The following PHACTR4 variants were observed in gnomAD, a reference collection of about 807,000 sequenced individuals.
PHACTR4 encodes the protein phosphatase and actin regulator 4, also known as protein phosphatase 1, regulatory subunit 124.
A neutral mutation model predicts 72.7 loss-of-function variants in PHACTR4; 51 were observed. The ratio of observed to expected loss-of-function variants is 0.70; its 90% CI spans 0.56 to 0.89. PHACTR4 has a LOEUF of 0.89. Among genes scored for constraint, PHACTR4 ranks in the 40% least tolerant of loss-of-function variants. The probability of loss-of-function intolerance (pLI) is 0.00; values close to 1 mark genes in which losing one functional copy is unlikely to be tolerated. For missense variants in PHACTR4, 731 were observed against 861.8 expected (o/e 0.85, Z 1.90); for synonymous variants, 255 against 302.5 (o/e 0.84, Z 1.63).
Position 28,496,080 on chromosome 1 carries a change from G to A in PHACTR4, c.2094-454G>A, listed in dbSNP as rs540246387. 2.8e-3 allele frequency among the ~76,000 whole-genome samples: 331 copies of A among 117,140 alleles called. 3 individuals carry two copies. The highest frequency in any genetic ancestry group is 4.6e-3 in the Non-Finnish European group (259 of 56,374). The allele number at this position is 117,140 out of a possible 152,430, so 76.8% of individuals were successfully genotyped here. On this transcript the variant is annotated intron_variant, in intron 13 of 13. Transcript: ENST00000373839. The stretch of plus-strand genomic sequence containing the variant: ...TTTTTTTTTTTTTTTTTTTTGAGAC[G>A]GAGTCTCGCTGTGTCACCCAGGCTG...
chr1:28,453,270 T>C (rs1254268509), intron 2 of PHACTR4, among the ~76,000 whole-genome samples: 1 of 152,224 alleles, frequency 6.6e-6, no homozygotes, highest in African/African-American at 2.4e-5. Context: ...AATTTTCTAG[T>C]GAGCAGTTCT....
At chr1:28,397,508 T>G (rs1463430448) in intron 1 of PHACTR4, among the ~76,000 whole-genome samples, 1 of 152,194 alleles carries the variant, frequency 6.6e-6, no homozygotes, top group Non-Finnish European at 1.5e-5. Context: ...AAGGTTATTT[T>G]GAATAACACG....
intron 11 of PHACTR4, among the ~76,000 whole-genome samples, chr1:28,491,315 A>C (rs1360598831): frequency 6.6e-6 from 1 of 151,966 alleles, no homozygotes; most frequent in African/African-American, 2.4e-5. Flanking sequence ...TATATTAGCC[A>C]GGCATGGTGG....
intron 1 of PHACTR4, among the ~76,000 whole-genome samples, chr1:28,381,666 C>T (rs1159558639): frequency 6.6e-6 from 1 of 152,024 alleles, no homozygotes; most frequent in African/African-American, 2.4e-5. Context: ...ATTGTCATTT[C>T]GATTGGCATT....
chr1:28,399,423 C>A (rs1290860044), intron 1 of PHACTR4, among the ~76,000 whole-genome samples: 4 of 152,084 alleles, frequency 2.6e-5, no homozygotes, highest in East Asian at 1.9e-4. Context: ...TGATTTATTT[C>A]TTTTACCACT....
intron 1 of PHACTR4, among the ~76,000 whole-genome samples, chr1:28,374,745 T>C (rs1215797122): frequency 2.0e-5 from 3 of 152,192 alleles, no homozygotes; most frequent in African/African-American, 7.2e-5. Context: ...ATTTTCCCTC[T>C]TGGGGTTTAC....
chr1:28,385,849 A>G (rs373966863), intron 1 of PHACTR4, among the ~76,000 whole-genome samples: 1 of 151,986 alleles, frequency 6.6e-6, no homozygotes, highest in East Asian at 2.0e-4. Flanking sequence ...TCCTGACCTC[A>G]GGTGATCCGC....
Position 28,473,730 on chromosome 1 carries a change from C to G in PHACTR4, c.1000C>G (p.Leu334Val). 1 of 1,614,094 alleles carries G rather than the reference C, an allele frequency of 6.2e-7. No homozygotes were observed. The highest frequency in any genetic ancestry group is 8.5e-7 in the Non-Finnish European group (1 of 1,180,020). The change falls in exon 7 of 14, where the codon CTA (leucine) becomes GTA (valine). Residue 334 changes from leucine (L) to valine (V), a missense_variant. By Grantham distance (32) the Leu-to-Val change is conservative. This residue lies in a region of PHACTR4 where 621 missense variants were observed against 676.6 expected (regional missense o/e 0.92). Transcript: ENST00000373839. ...EKSTCSMGSE[L>V]LPMISPRSPS... ...GAGCACGTGTTCTATGGGCTCGGAA[C>G]TACTACCAATGATCTCACCTCGCTC...
intron 2 of PHACTR4, among the ~76,000 whole-genome samples, chr1:28,419,052 G>T (rs1557801285): frequency 1.4e-5 from 1 of 70,210 alleles, no homozygotes; most frequent in Non-Finnish European, 2.8e-5. Flanking sequence ...TTTTTTTCTA[G>T]GGAAGTTTTC....
At chr1:28,372,048 A>AT (rs761764882) in intron 1 of PHACTR4, among the ~76,000 whole-genome samples, 2,036 of 137,296 alleles carry the variant, frequency 0.015, 17 homozygotes, top group Middle Eastern at 0.027. Flanking sequence ...CTCCCGGCTA[A>AT]TTTTTTTTTT....
At chr1:28,375,055 C>G (rs1458418395) in intron 1 of PHACTR4, among the ~76,000 whole-genome samples, 8 of 151,932 alleles carry the variant, frequency 5.3e-5, no homozygotes, top group Admixed American at 5.2e-4. Flanking sequence ...TCCCAGCACT[C>G]TGGGAGGCCA....
chr1:28,471,521 C>CTT (rs71675377), intron 6 of PHACTR4, among the ~76,000 whole-genome samples: 37,830 of 142,996 alleles, frequency 0.26, 5,018 homozygotes, highest in Middle Eastern at 0.35. Flanking sequence ...AAAAGAACTA[C>CTT]TTTTTTTTTT....
rs78097377 is a variant in PHACTR4 at position 28,480,129 on chromosome 1, G to A, written c.1607-322G>A. On this transcript the variant is annotated intron_variant, in intron 8 of 13. Transcript: ENST00000373839. Reference sequence around the variant, plus strand: ...CAGATAGACTATGAGGTGTTAGTATGAAAGCCTTTATGTTTTAATTCAGAG... The same window carrying A: ...CAGATAGACTATGAGGTGTTAGTATAAAAGCCTTTATGTTTTAATTCAGAG... Among the ~76,000 whole-genome samples, 770 of 152,326 alleles carry A rather than the reference G, an allele frequency of 5.1e-3. 4 individuals are homozygous for A. The highest frequency in any genetic ancestry group is 0.017 in the African/African-American group (722 of 41,578).
chr1:28,458,983 G>A (rs1210879827), intron 2 of PHACTR4, 102 bp from the exon 3 acceptor site: 4 of 1,076,368 alleles, frequency 3.7e-6, no homozygotes, highest in East Asian at 2.6e-5. Context: ...TCGTTGCTCC[G>A]ATCCTTTCCA....
chr1:28,397,330 T>C (rs1653587873), intron 1 of PHACTR4, among the ~76,000 whole-genome samples: 1 of 152,232 alleles, frequency 6.6e-6, no homozygotes, highest in Non-Finnish European at 1.5e-5. Flanking sequence ...TAAATTATTC[T>C]GCAATATTAT....
chr1:28,413,140 G>T (rs7540582), intron 2 of PHACTR4, among the ~76,000 whole-genome samples: 44,408 of 152,098 alleles, frequency 0.29, 6,748 homozygotes, highest in Middle Eastern at 0.34. Flanking sequence ...CTGGGTTAAA[G>T]AAACTTTTGT....
At chr1:28,491,159 A>G (rs1238334295) in intron 11 of PHACTR4, 147 bp downstream of exon 11, 49 of 716,602 alleles carry the variant, frequency 6.8e-5, no homozygotes, top group Non-Finnish European at 9.4e-6. Context: ...GCTTGAGCCC[A>G]GGAGTTCAAG....
chr1:28,421,251 T>C (rs1292512100), intron 2 of PHACTR4, among the ~76,000 whole-genome samples: 1 of 152,172 alleles, frequency 6.6e-6, no homozygotes, highest in Non-Finnish European at 1.5e-5. Flanking sequence ...CACATGGGCA[T>C]GTGCACATAT....
rs746855923 is a variant in PHACTR4, at chr1:28,474,083, C to T, written c.1353C>T (p.Ser451=). The T allele has an allele frequency of 1.7e-5, 27 of 1,614,188 alleles. No homozygotes were observed. Among genetic ancestry groups the T allele is most frequent in the Non-Finnish European group, 1.4e-5 (17 of 1,180,034 alleles). The stretch of plus-strand genomic sequence containing the variant: ...CGTTGCTTTTTGAAAACAGTGACAG[C>T]TTTTCTGAGGACAGCAGTACGCTGG... The part of the protein sequence containing the change: ...AHSLLFENSD[S]FSEDSSTLGR... The change falls in exon 7 of 14, where the codon AGC becomes AGT. Residue 451 remains serine (S), a synonymous_variant. Coordinates refer to ENST00000373839, the MANE Select transcript of PHACTR4 (RefSeq NM_001048183.3).
Sources: allele counts gnomAD v4.1 joint callset (sites outside exome capture counted in the v4.1 genomes callset), GRCh38; gene constraint gnomAD v4.1.1; regional missense constraint gnomAD v4.1.1; transcripts MANE v1.5; gene names NCBI Gene and HGNC (gene_info 2026-07-23, HGNC 2026-07-21).